TARBP1: variants seen among roughly 807,000 people sequenced by gnomAD.
TARBP1 encodes tRNA guanosine 2 -O-methyltransferase TARBP1.
Under a neutral mutation model 178.6 loss-of-function variants are expected in TARBP1, and 144 were observed. The ratio of observed to expected loss-of-function variants is 0.81; its 90% CI spans 0.70 to 0.93. The LOEUF is 0.93. Ranked by LOEUF, TARBP1 falls within the 40% of genes least tolerant of loss-of-function variation. TARBP1 has a pLI of 0.00. For missense variants in TARBP1, 2,067 were observed against 2,011.7 expected (o/e 1.03, Z -0.53); for synonymous variants, 787 against 781.0 (o/e 1.01, Z -0.13).
chr1:234,411,178 CATA>C (rs775176201), intron 22 of TARBP1, among the ~76,000 whole-genome samples: 9 of 152,072 alleles, frequency 5.9e-5, no homozygotes, highest in Non-Finnish European at 1.2e-4. Flanking sequence ...ATTTTTAAAA[CATA>C]ATGCAATTAA....
chr1:234,400,986 A>T, intron 25 of TARBP1, 195 bp downstream of exon 25: 1 of 415,516 alleles, frequency 2.4e-6, no homozygotes, highest in Non-Finnish European at 4.3e-6. Context: ...GCCAATTTTC[A>T]CTGCTTAAGA....
intron 23 of TARBP1, chr1:234,406,301 A>C: frequency 1.8e-6 from 1 of 561,040 alleles, no homozygotes; most frequent in Non-Finnish European, 3.2e-6. Flanking sequence ...GGAAAAACAC[A>C]TTCTCCCAGC....
At chr1:234,470,674 A>G (rs12031279) in intron 3 of TARBP1, among the ~76,000 whole-genome samples, 17,939 of 148,784 alleles carry the variant, frequency 0.12, 2,597 homozygotes, top group East Asian at 0.76. Context: ...GGAGTGCAGC[A>G]GTGTGATCTT....
At chr1:234,433,702 C>T in intron 13 of TARBP1, 131 bp from the exon 14 acceptor site, 1 of 860,632 alleles carries the variant, frequency 1.2e-6, no homozygotes, top group South Asian at 1.8e-5. Flanking sequence ...AAGTTCTTTT[C>T]TCCAAGCAGC....
At chr1:234,465,757 T>C (rs1355301675) in intron 4 of TARBP1, 49 bp from the exon 5 acceptor site, 1 of 1,477,696 alleles carries the variant, frequency 6.8e-7, no homozygotes, top group Admixed American at 2.5e-5. Flanking sequence ...TAGTTGTAAA[T>C]ACAATTTTGA....
In TARBP1 at chr1:234,457,775, G is replaced by C. The variant is rs1296394662; in HGVS notation, c.1633-19C>G. On this transcript the variant is annotated intron_variant, in intron 8 of 29. Transcript: ENST00000040877. ...CTTTCTCCTGGGCAGGGCAGGAAAG[G>C]TTTTAAAAATTACTCGTATTAAAAT... 5.8e-6 allele frequency: 9 copies of C among 1,555,584 alleles called. No individual in the cohort carries two copies. Among genetic ancestry groups the C allele is most frequent in the Non-Finnish European group, 7.9e-6 (9 of 1,145,350 alleles).
intron 2 of TARBP1, among the ~76,000 whole-genome samples, chr1:234,471,883 C>A (rs1669097238): frequency 6.6e-6 from 1 of 152,052 alleles, no homozygotes; most frequent in Non-Finnish European, 1.5e-5. Flanking sequence ...TTATTTAAGT[C>A]CACAAACAAG....
chr1:234,459,799 G>A (rs1238734194), intron 7 of TARBP1, among the ~76,000 whole-genome samples: 6 of 150,806 alleles, frequency 4.0e-5, no homozygotes, highest in East Asian at 3.9e-4. Flanking sequence ...GTGACAGAGC[G>A]AGACTCCAGC....
At chr1:234,423,748 ATT>A (rs1228790622) in intron 20 of TARBP1, among the ~76,000 whole-genome samples, 26 of 130,934 alleles carry the variant, frequency 2.0e-4, no homozygotes, top group Non-Finnish European at 1.9e-4. Flanking sequence ...TTTTTTCTGA[ATT>A]TTTTTTTTTT....
rs1251201967 is a variant in TARBP1 at position 234,427,700 on chromosome 1, A to C, written c.3127T>G (p.Cys1043Gly). ...TGVFNTLISY[C>G]CQSWIVSASN... ...GCAGACACTATCCAAGACTGACAGC[A>C]GTAACTTATCAGTGTATTGAAGACT... is the stretch of plus-strand genomic sequence containing the variant. Residue 1043 changes from cysteine (C) to glycine (G), a missense_variant, in exon 18 of 30, where the codon TGC becomes GGC. By Grantham distance (159) the Cys-to-Gly change is radical (BLOSUM62 -3). Transcript: ENST00000040877. 1 of 1,549,142 alleles carries C rather than the reference A, an allele frequency of 6.5e-7. No homozygotes were observed. The highest frequency in any genetic ancestry group is 8.6e-7 in the Non-Finnish European group (1 of 1,157,118).
At chr1:234,398,242 CT>C (rs1660338354) in intron 26 of TARBP1, 139 bp downstream of exon 26, 1 of 584,432 alleles carries the variant, frequency 1.7e-6, no homozygotes, top group Admixed American at 4.0e-5. Flanking sequence ...TTTTCACTGT[CT>C]TTTCCCTAAG....
At chr1:234,401,134 G>A (rs1327066728) in intron 25 of TARBP1, 47 bp downstream of exon 25, 1 of 1,488,404 alleles carries the variant, frequency 6.7e-7, no homozygotes, top group East Asian at 2.3e-5. Flanking sequence ...GGAAGCATCA[G>A]GATTAAAGAT....
At chr1:234,453,415 C>T (rs544816563) in intron 9 of TARBP1, among the ~76,000 whole-genome samples, 2 of 151,054 alleles carry the variant, frequency 1.3e-5, no homozygotes, top group South Asian at 2.1e-4. Flanking sequence ...GTCTTGAACT[C>T]CTGAGCTCAA....
chr1:234,474,480 G>A (rs1669400803), intron 1 of TARBP1, among the ~76,000 whole-genome samples: 1 of 152,084 alleles, frequency 6.6e-6, no homozygotes, highest in African/African-American at 2.4e-5. Flanking sequence ...GATTGCACAG[G>A]AGGTCCAGCA....
At chr1:234,393,529 A>T in intron 27 of TARBP1, 43 bp from the exon 28 acceptor site, 2 of 1,572,522 alleles carry the variant, frequency 1.3e-6, no homozygotes, top group Non-Finnish European at 1.7e-6. Context: ...TCCCAGCACA[A>T]TGCTAAGCTC....
chr1:234,411,076 A>G (rs1461907779), intron 22 of TARBP1, among the ~76,000 whole-genome samples: 1 of 152,244 alleles, frequency 6.6e-6, no homozygotes, highest in Non-Finnish European at 1.5e-5. Flanking sequence ...TCTCAAAAAA[A>G]AACATAAAAT....
Position 234,425,670 on chromosome 1 carries a change from TA to T in TARBP1, c.3444+2del. 6.2e-7 allele frequency: 1 copy of T among 1,610,562 alleles called. No individual in the cohort carries two copies. Among genetic ancestry groups the T allele is most frequent in the Non-Finnish European group, 8.5e-7 (1 of 1,178,814 alleles). On this transcript the variant is annotated splice_donor_variant, in intron 20 of 29. Transcript: ENST00000040877. LOFTEE classifies it high-confidence loss of function. ...AAGATAATTTAAAGTAAAATACACT[TA>T]CTTTATCTAATAGCTTGATTGCAAG...
At chr1:234,457,288 G>A (rs752167450) in intron 9 of TARBP1, among the ~76,000 whole-genome samples, 1 of 152,142 alleles carries the variant, frequency 6.6e-6, no homozygotes, top group East Asian at 1.9e-4. Flanking sequence ...CATAAGGACT[G>A]GACAACTGGG....
At chr1:234,468,411 T>C (rs1668678306) in intron 3 of TARBP1, among the ~76,000 whole-genome samples, 1 of 151,962 alleles carries the variant, frequency 6.6e-6, no homozygotes, top group Non-Finnish European at 1.5e-5. Context: ...GAGGTTAGAG[T>C]GAGCCCAGGC....
Sources: gnomAD v4.1 joint callset for allele counts (sites outside exome capture counted in the v4.1 genomes callset) on GRCh38, gnomAD v4.1.1 for gene constraint, MANE v1.5 for transcripts, NCBI Gene and HGNC (gene_info 2026-07-23, HGNC 2026-07-21) for gene names.